SLC44A1: variants seen among roughly 807,000 people sequenced by gnomAD.
SLC44A1 encodes the protein choline transporter-like protein 1.
In SLC44A1, 26 loss-of-function variants were observed where a neutral mutation model predicts 79.3. That is an observed-to-expected ratio of 0.33 (90% CI 0.24 to 0.46). The LOEUF is 0.46. SLC44A1 is among the 20% of genes least tolerant of loss of function. The pLI is 1.00. For missense variants in SLC44A1, 688 were observed against 798.1 expected, an observed-to-expected ratio of 0.86 and a Z score of 1.66; for synonymous variants, 263 against 286.2, an observed-to-expected ratio of 0.92 and a Z score of 0.82.
Position 105,393,345 on chromosome 9 carries a change from C to T in SLC44A1, c.*4289C>T. 1 of 985,224 alleles carries T rather than the reference C, an allele frequency of 1.0e-6. No homozygotes were observed. Among genetic ancestry groups the T allele is most frequent in the Non-Finnish European group, 1.2e-6 (1 of 829,770 alleles). The allele number at this position is 985,224 out of a possible 1,614,324, so 61.0% of individuals were successfully genotyped here. A position where few individuals can be genotyped will look rare whatever the true frequency, so the allele number is the denominator to read the frequency against. ...GCACATAGTCCAAATTTTTAAAAAG[C>T]AAGACCCTTGAATATGCCAAGAGAA... On this transcript the variant is annotated 3_prime_UTR_variant, in exon 16 of 16. Transcript: ENST00000374720.
At chr9:105,325,683 A>G (rs866638223) in intron 3 of SLC44A1, among the ~76,000 whole-genome samples, 5 of 152,334 alleles carry the variant, frequency 3.3e-5, no homozygotes, top group South Asian at 4.1e-4. Context: ...TCTTAAAGGC[A>G]CCACCTCTCA....
Position 105,373,648 on chromosome 9 carries a change from T to C in SLC44A1, c.1495-950T>C, listed in dbSNP as rs531921067. Among the ~76,000 whole-genome samples, 4 of 152,302 alleles carry C rather than the reference T, an allele frequency of 2.6e-5. No individual in the cohort carries two copies. The East Asian group carries it at 7.7e-4, about 29-fold the overall frequency. Reference sequence around the variant, plus strand: ...CTGAAAAGTTCAGAAATCTGGCAAGTTCCCAATGTCCCAACTGTCACCAGG... The same window carrying C: ...CTGAAAAGTTCAGAAATCTGGCAAGCTCCCAATGTCCCAACTGTCACCAGG... On this transcript the variant is annotated intron_variant, in intron 12 of 15. Coordinates refer to ENST00000374720, the MANE Select transcript of SLC44A1 (RefSeq NM_080546.5).
intron 3 of SLC44A1, among the ~76,000 whole-genome samples, chr9:105,335,214 G>A (rs1335169920): frequency 1.3e-5 from 2 of 151,912 alleles, no homozygotes; most frequent in African/African-American, 4.8e-5. Flanking sequence ...TTATATAGCA[G>A]TATTATGATA....
intron 1 of SLC44A1, among the ~76,000 whole-genome samples, chr9:105,266,852 C>T (rs978928564): frequency 6.6e-5 from 10 of 152,222 alleles, no homozygotes; most frequent in Admixed American, 2.0e-4. Flanking sequence ...AATTTTGCTG[C>T]GATTTTGATT....
chr9:105,254,186 G>A (rs1025593827), intron 1 of SLC44A1, among the ~76,000 whole-genome samples: 2 of 152,218 alleles, frequency 1.3e-5, no homozygotes, highest in African/African-American at 4.8e-5. Context: ...AAGGACGTAA[G>A]TTCTCTCCTT....
chr9:105,371,951 A>G (rs908800085), intron 12 of SLC44A1, among the ~76,000 whole-genome samples: 1 of 152,084 alleles, frequency 6.6e-6, no homozygotes, highest in Non-Finnish European at 1.5e-5. Context: ...AGTGTAGTTT[A>G]TTTTTACTTC....
At chr9:105,324,984 G>A (rs1363355499) in intron 3 of SLC44A1, among the ~76,000 whole-genome samples, 1 of 152,158 alleles carries the variant, frequency 6.6e-6, no homozygotes, top group Non-Finnish European at 1.5e-5. Flanking sequence ...ATATGATCCA[G>A]CAATTCCACT....
intron 1 of SLC44A1, among the ~76,000 whole-genome samples, chr9:105,265,632 T>C (rs1377780913): frequency 6.6e-6 from 1 of 152,226 alleles, no homozygotes; most frequent in East Asian, 1.9e-4. Flanking sequence ...TTGGTAACTA[T>C]CTGGGAGTGG....
intron 2 of SLC44A1, among the ~76,000 whole-genome samples, chr9:105,308,834 ACAAT>A (rs1391122420): frequency 6.6e-6 from 1 of 152,240 alleles, no homozygotes; most frequent in Non-Finnish European, 1.5e-5. Flanking sequence ...TCCCACCAAT[ACAAT>A]CAATTTATCA....
intron 1 of SLC44A1, among the ~76,000 whole-genome samples, chr9:105,253,574 A>G (rs1021900275): frequency 6.6e-6 from 1 of 152,074 alleles, no homozygotes; most frequent in African/African-American, 2.4e-5. Context: ...AAAAAATAGC[A>G]AAACAAATTA....
chr9:105,296,183 C>T (rs1416227330), intron 1 of SLC44A1, among the ~76,000 whole-genome samples: 1 of 152,102 alleles, frequency 6.6e-6, no homozygotes, highest in South Asian at 2.1e-4. Context: ...CTCAAAACAG[C>T]CCTGTGAAGT....
At chr9:105,378,481 A>G (rs990058098) in intron 13 of SLC44A1, among the ~76,000 whole-genome samples, 5 of 152,302 alleles carry the variant, frequency 3.3e-5, no homozygotes, top group Non-Finnish European at 5.9e-5. Flanking sequence ...GCCCACATCA[A>G]TCTTTATTTC....
intron 1 of SLC44A1, among the ~76,000 whole-genome samples, chr9:105,262,422 A>AT (rs1829863192): frequency 6.6e-6 from 1 of 152,216 alleles, no homozygotes; most frequent in Non-Finnish European, 1.5e-5. Flanking sequence ...CATAGAAAAG[A>AT]TTGTACCTAT....
intron 3 of SLC44A1, among the ~76,000 whole-genome samples, chr9:105,313,748 AATTATTATC>A (rs1415803442): frequency 2.0e-5 from 3 of 151,988 alleles, no homozygotes; most frequent in Non-Finnish European, 4.4e-5. Flanking sequence ...TTAGATAAAA[AATTATTATC>A]ATTATTATTA....
intron 5 of SLC44A1, among the ~76,000 whole-genome samples, chr9:105,349,659 G>C (rs935284984): frequency 6.6e-6 from 1 of 152,120 alleles, no homozygotes; most frequent in Non-Finnish European, 1.5e-5. Context: ...GGGATCCTTT[G>C]AATAGTCTTA....
At chr9:105,421,555 A>G (rs1265634320) in intron 15 of SLC44A1, among the ~76,000 whole-genome samples, 1 of 150,740 alleles carries the variant, frequency 6.6e-6, no homozygotes, top group Non-Finnish European at 1.5e-5. Context: ...CCAATCTTGC[A>G]TTAGGTTCAC....
intron 1 of SLC44A1, among the ~76,000 whole-genome samples, chr9:105,283,389 G>C (rs1830403723): frequency 6.6e-6 from 1 of 152,188 alleles, no homozygotes; most frequent in Non-Finnish European, 1.5e-5. Flanking sequence ...TTTTACCAAG[G>C]AAGGCCAGCT....
chr9:105,356,253 T>A lies in SLC44A1; in HGVS notation c.542T>A (p.Ile181Asn), dbSNP rs1382440797. The A allele has an allele frequency of 5.0e-6, 8 of 1,613,920 alleles. No homozygotes were observed. Among genetic ancestry groups the A allele is most frequent in the Non-Finnish European group, 6.8e-6 (8 of 1,179,866 alleles). The change falls in exon 6 of 16, where the codon ATT becomes AAT. Residue 181 changes from isoleucine to asparagine, a missense_variant. Coordinates refer to ENST00000374720, the MANE Select transcript of SLC44A1 (RefSeq NM_080546.5). The part of the protein sequence containing the change: ...PFFHRCAPVN[I>N]SCYAKFAEAL... ...TTCCATCGCTGTGCTCCTGTGAACA[T>A]TTCCTGCTATGCCAAGTTTGCAGAG...
chr9:105,397,359 C>G (rs1279958281), downstream of SLC44A1: 2 of 982,460 alleles, frequency 2.0e-6, no homozygotes, highest in African/African-American at 3.5e-5. Flanking sequence ...TTATTGTCTA[C>G]TGTGTTGTAA....
Sources: allele counts gnomAD v4.1 joint callset (sites outside exome capture counted in the v4.1 genomes callset), GRCh38; gene constraint gnomAD v4.1.1; transcripts MANE v1.5; gene names NCBI Gene and HGNC (gene_info 2026-07-23, HGNC 2026-07-21).